The following ZNF69 variants were observed in gnomAD, a reference collection of about 807,000 sequenced individuals.
ZNF69 encodes the protein ZNF3.
A neutral mutation model predicts 50.9 loss-of-function variants in ZNF69; 47 were observed. The ratio of observed to expected loss-of-function variants is 0.92; its 90% CI spans 0.73 to 1.18. The LOEUF is 1.18. ZNF69 is among the 50% of genes most tolerant of loss of function. The pLI, the probability that ZNF69 is intolerant of heterozygous loss-of-function variation, is 0.00. For missense variants in ZNF69, 717 were observed against 675.1 expected (o/e 1.06, Z -0.69); for synonymous variants, 216 against 223.1 (o/e 0.97, Z 0.29).
At chr19:11,902,235 G>C (rs1972262815) in intron 1 of ZNF69, among the ~76,000 whole-genome samples, 3 of 151,764 alleles carry the variant, frequency 2.0e-5, no homozygotes, top group South Asian at 2.1e-4. Context: ...GCCCGCCTCA[G>C]TCTTCCAAAG....
At chr19:11,894,618 T>A (rs530720819) in intron 1 of ZNF69, among the ~76,000 whole-genome samples, 2 of 152,260 alleles carry the variant, frequency 1.3e-5, no homozygotes, top group Non-Finnish European at 2.9e-5. Flanking sequence ...TATCAGCCCC[T>A]GAGTCACTCC....
chr19:11,938,058 A>T, the ZNF69 span, among the ~76,000 whole-genome samples: 1 of 151,734 alleles, frequency 6.6e-6, no homozygotes, highest in African/African-American at 2.4e-5. Flanking sequence ...GCCTCTATTT[A>T]TTCATTCTTG....
At chr19:11,942,195 G>T in the ZNF69 span, among the ~76,000 whole-genome samples, 5 of 150,508 alleles carry the variant, frequency 3.3e-5, no homozygotes, top group Non-Finnish European at 7.4e-5. Context: ...TATCTAGCAT[G>T]CCTGTTTTGG....
chr19:11,893,112 G>A (rs1386078885), intron 1 of ZNF69, among the ~76,000 whole-genome samples: 1 of 152,194 alleles, frequency 6.6e-6, no homozygotes, highest in Non-Finnish European at 1.5e-5. Flanking sequence ...TGGGATTACA[G>A]GTATAAGCCA....
downstream of ZNF69, among the ~76,000 whole-genome samples, chr19:11,907,071 G>A (rs989654867): frequency 2.0e-5 from 3 of 152,034 alleles, no homozygotes; most frequent in Non-Finnish European, 4.4e-5. Context: ...TGGAAGAAAA[G>A]GTATCAGTAA....
At chr19:11,969,454 T>C in the ZNF69 span, among the ~76,000 whole-genome samples, 1 of 146,766 alleles carries the variant, frequency 6.8e-6, no homozygotes, top group Admixed American at 6.7e-5. Flanking sequence ...TCTAGTTATG[T>C]AATCAGCGGT....
chr19:11,974,069 T>TTTTCTTTCTTTCTTTCTTTTCTTTC, the ZNF69 span, among the ~76,000 whole-genome samples: 1 of 114,776 alleles, frequency 8.7e-6, no homozygotes, highest in Admixed American at 9.6e-5. Context: ...TCCTTCTTTC[T>TTTTCTTTCTTTCTTTCTTTTCTTTC]TTTCTTTCTT....
the ZNF69 span, chr19:11,950,563 G>A: frequency 3.6e-6 from 2 of 558,018 alleles, no homozygotes; most frequent in Middle Eastern, 3.0e-4. Context: ...GCCTTCAGAT[G>A]TGCCTCGCAC....
chr19:11,905,596 C>A lies in ZNF69; in HGVS notation c.1199C>A (p.Ser400Tyr). 6.2e-7 allele frequency: 1 copy of A among 1,613,760 alleles called. No individual in the cohort carries two copies. The change falls in exon 4 of 4, where the codon TCC becomes TAC. Residue 400 changes from serine (S) to tyrosine (Y), a missense_variant. Physicochemically the swap from Ser to Tyr is moderately radical, Grantham distance 144. Coordinates refer to ENST00000429654, the MANE Select transcript of ZNF69 (RefSeq NM_001364730.1). ...CAATGTGGTAAAGCCTTCATTCATT[C>A]CAGTTCCCTTCGTTATCATGAAAGG... ...CKQCGKAFIH[S>Y]SSLRYHERIH...
chr19:11,945,703 G>T, the ZNF69 span, among the ~76,000 whole-genome samples: 2 of 151,988 alleles, frequency 1.3e-5, no homozygotes, highest in Non-Finnish European at 2.9e-5. Context: ...GTTAAGAAAA[G>T]TCTTCATTCC....
intron 2 of ZNF69, 84 bp from the exon 3 acceptor site, chr19:11,903,821 G>A (rs894701718): frequency 1.9e-6 from 3 of 1,604,964 alleles, no homozygotes; most frequent in Non-Finnish European, 2.6e-6. Context: ...AGGTATGGCT[G>A]CAGTAAATCA....
the ZNF69 span, among the ~76,000 whole-genome samples, chr19:11,938,297 C>T: frequency 6.6e-6 from 1 of 152,194 alleles, no homozygotes; most frequent in East Asian, 1.9e-4. Context: ...AGGTTTGTTA[C>T]ACATGTATAC....
At chr19:11,927,412 C>G in the ZNF69 span, among the ~76,000 whole-genome samples, 3 of 143,874 alleles carry the variant, frequency 2.1e-5, no homozygotes, top group South Asian at 4.3e-4. Flanking sequence ...CAGCGAGACC[C>G]TGTCTCTATT....
At chr19:11,957,459 A>C in the ZNF69 span, among the ~76,000 whole-genome samples, 6 of 152,172 alleles carry the variant, frequency 3.9e-5, no homozygotes, top group Non-Finnish European at 5.9e-5. Flanking sequence ...GGTCATAAAA[A>C]GAGTCTAGGT....
chr19:11,917,807 T>TTTTTTTG (rs1972535016), downstream of ZNF69, among the ~76,000 whole-genome samples: 5 of 149,270 alleles, frequency 3.3e-5, no homozygotes, highest in African/African-American at 9.9e-5. Flanking sequence ...TTTTTTTTTT[T>TTTTTTTG]GAGACAGTCT....
chr19:11,980,132 A>G, the ZNF69 span: 9 of 816,620 alleles, frequency 1.1e-5, no homozygotes, highest in South Asian at 1.3e-4. Context: ...TAGGACTCAC[A>G]CTGGATAGAA....
At chr19:11,910,370 C>A (rs1390117704), downstream of ZNF69, among the ~76,000 whole-genome samples, 4 of 152,278 alleles carry the variant, frequency 2.6e-5, no homozygotes, top group East Asian at 7.7e-4. Context: ...CCAAGACAAT[C>A]CTAAGCCAAA....
At chr19:11,913,670 T>G (rs1972491445) in exon 5 of ZNF69, 1 of 267,986 alleles carries the variant, frequency 3.7e-6, no homozygotes. Flanking sequence ...ATTACAGATA[T>G]GAGCCATCAT....
the ZNF69 span, chr19:11,925,159 G>T: frequency 1.9e-6 from 3 of 1,601,750 alleles, no homozygotes; most frequent in South Asian, 2.2e-5. Context: ...AGACCAGCCC[G>T]AGAGGGACCT....
Sources: gnomAD v4.1 joint callset for allele counts (sites outside exome capture counted in the v4.1 genomes callset) on GRCh38, gnomAD v4.1.1 for gene constraint, MANE v1.5 for transcripts, NCBI Gene and HGNC (gene_info 2026-07-23, HGNC 2026-07-21) for gene names.